The following PCDHA2 variants were observed in gnomAD, a reference collection of about 807,000 sequenced individuals.
PCDHA2 encodes the protein protocadherin alpha-2.
In PCDHA2, 58 loss-of-function variants were observed where a neutral mutation model predicts 66.0. That is an observed-to-expected ratio of 0.88 (90% CI 0.71 to 1.09). The LOEUF is 1.09. Among genes scored for constraint, PCDHA2 ranks in the 50% least tolerant of loss-of-function variants. The pLI, the probability that PCDHA2 is intolerant of heterozygous loss-of-function variation, is 0.00. For missense variants in PCDHA2, 1,267 were observed against 1,242.3 expected (o/e 1.02, Z -0.30); for synonymous variants, 634 against 554.0 (o/e 1.14, Z -2.03).
chr5:140,824,309 A>G (rs1768082430), intron 1 of PCDHA2: 3 of 776,146 alleles, frequency 3.9e-6, no homozygotes, highest in African/African-American at 3.5e-5. Flanking sequence ...GGGGTAATAG[A>G]TTCATCAGCT....
intron 1 of PCDHA2, chr5:140,860,872 G>C (rs923006368): frequency 1.3e-5 from 2 of 152,288 alleles, no homozygotes; most frequent in African/African-American, 4.8e-5. Context: ...GGAGTAGCTG[G>C]GACTACAGGT....
intron 1 of PCDHA2, chr5:140,803,240 G>A (rs1309162593): frequency 6.2e-7 from 1 of 1,613,682 alleles, no homozygotes; most frequent in African/African-American, 1.3e-5. Context: ...CCTCGTCCCA[G>A]GCGTCCGCTG....
In PCDHA2 at chr5:140,870,216, C is replaced by G. The variant is rs1554163914; in HGVS notation, c.2388+72864C>G. On this transcript the variant is annotated intron_variant, in intron 1 of 3. Transcript: ENST00000526136. Reference sequence around the variant, plus strand: ...AGCCCAGCACGGTCATTGCCCTGATCAGCGTGTCTGACCGTGACTCAGGTG... The same window carrying G: ...AGCCCAGCACGGTCATTGCCCTGATGAGCGTGTCTGACCGTGACTCAGGTG... 3 of 1,614,070 alleles carry G rather than the reference C, an allele frequency of 1.9e-6. No homozygotes were observed. Among genetic ancestry groups the G allele is most frequent in the Admixed American group, 3.3e-5 (2 of 60,012 alleles).
chr5:140,863,319 C>A, intron 1 of PCDHA2: 1 of 1,445,714 alleles, frequency 6.9e-7, no homozygotes, highest in Non-Finnish European at 9.4e-7. Context: ...TGGTGTCCAG[C>A]CTGTTAGTGC....
intron 1 of PCDHA2, among the ~76,000 whole-genome samples, chr5:140,937,785 G>A (rs962276976): frequency 7.3e-5 from 11 of 150,436 alleles, no homozygotes; most frequent in Non-Finnish European, 1.3e-4. Flanking sequence ...GGTGGCGGGC[G>A]TATGTAGTCC....
rs781944777 is a variant in PCDHA2, at chr5:140,978,930, T to A, written c.2389-19T>A. ...TTGTCTTGTCATTTTAACAGAAAAC[T>A]CTCTTTGTGATTTTGCAGCCACGAC... On this transcript the variant is annotated intron_variant, in intron 1 of 3. Transcript: ENST00000526136. The A allele has an allele frequency of 1.2e-6, 2 of 1,614,088 alleles. No homozygotes were observed. The highest frequency in any genetic ancestry group is 8.5e-7 in the Non-Finnish European group (1 of 1,180,010).
chr5:140,796,773 C>T lies in PCDHA2; in HGVS notation c.1809C>T (p.Tyr603=), dbSNP rs1554120099. ...KVRAVDADSG[Y]NAWLSYELQL... is the part of the protein sequence containing the mutation. ...GCGCAGTGGACGCTGACTCAGGCTACAACGCGTGGCTTTCGTACGAGCTTC... is the reference window on the plus strand; with the variant it reads ...GCGCAGTGGACGCTGACTCAGGCTATAACGCGTGGCTTTCGTACGAGCTTC... Residue 603 remains tyrosine, a synonymous_variant, in exon 1 of 4, where the codon TAC becomes TAT. Coordinates refer to ENST00000526136, the MANE Select transcript of PCDHA2 (RefSeq NM_018905.3). 1 of 1,614,122 alleles carries T rather than the reference C, an allele frequency of 6.2e-7. No individual in the cohort carries two copies. The highest frequency in any genetic ancestry group is 8.5e-7 in the Non-Finnish European group (1 of 1,179,972).
chr5:140,942,769 T>A (rs1554215212), intron 1 of PCDHA2, among the ~76,000 whole-genome samples: 1 of 152,202 alleles, frequency 6.6e-6, no homozygotes, highest in Non-Finnish European at 1.5e-5. Flanking sequence ...GCATAATGTA[T>A]TTTTAGGCAG....
intron 1 of PCDHA2, chr5:140,869,236 G>T (rs781873875): frequency 6.2e-7 from 1 of 1,613,674 alleles, no homozygotes; most frequent in South Asian, 1.1e-5. Context: ...CGGCACCTTC[G>T]TGGGCCGCAT....
At chr5:140,943,136 T>A (rs1554215378) in intron 1 of PCDHA2, among the ~76,000 whole-genome samples, 1 of 151,240 alleles carries the variant, frequency 6.6e-6, no homozygotes, top group Non-Finnish European at 1.5e-5. Flanking sequence ...TGGGTGCCTG[T>A]AGTCCCAGCT....
At chr5:140,966,666 C>T (rs2153748360) in intron 1 of PCDHA2, 7 of 1,259,308 alleles carry the variant, frequency 5.6e-6, no homozygotes, top group Non-Finnish European at 7.2e-6. Context: ...GGGGAGCAGG[C>T]GCAGGGTGGC....
intron 1 of PCDHA2, chr5:140,804,934 T>A: frequency 1.7e-6 from 2 of 1,152,230 alleles, no homozygotes. Flanking sequence ...GCACTATCCT[T>A]TGTTGCTCCC....
In PCDHA2 at chr5:141,009,750, T is replaced by C; in HGVS notation, c.2660T>C (p.Ile887Thr). Residue 887 changes from isoleucine (I) to threonine (T), a missense_variant, in exon 4 of 4, where the codon ATT becomes ACT. By Grantham distance (89) the Ile-to-Thr change is moderately conservative. Coordinates refer to ENST00000526136, the MANE Select transcript of PCDHA2 (RefSeq NM_018905.3). ...CCCGGTGAGTTGCCCGACAAATTCA[T>C]TATCCCAGGATCTCCTGCAATCATC... ...SGPGELPDKF[I>T]IPGSPAIISI... 1.2e-6 allele frequency: 2 copies of C among 1,614,130 alleles called. No individual in the cohort carries two copies. The highest frequency in any genetic ancestry group is 3.3e-5 in the Admixed American group (2 of 60,026).
chr5:140,855,864 G>A, intron 1 of PCDHA2: 6 of 775,890 alleles, frequency 7.7e-6, no homozygotes, highest in African/African-American at 1.7e-5. Context: ...TGTCGCTGTC[G>A]TCCACAAAAT....
intron 1 of PCDHA2, chr5:140,871,578 G>A (rs1554165764): frequency 6.8e-7 from 1 of 1,474,340 alleles, no homozygotes; most frequent in Admixed American, 2.6e-5. Context: ...TTTTTTAAGG[G>A]AAAGTTTTAT....
At chr5:140,844,316 A>C (rs1554140608) in intron 1 of PCDHA2, among the ~76,000 whole-genome samples, 1 of 149,428 alleles carries the variant, frequency 6.7e-6, no homozygotes, top group Non-Finnish European at 1.5e-5. Flanking sequence ...ATTCTTCCTA[A>C]TTTTATTATA....
chr5:140,830,098 G>T, intron 1 of PCDHA2: 1 of 1,613,644 alleles, frequency 6.2e-7, no homozygotes, highest in African/African-American at 1.3e-5. Flanking sequence ...TGGTGTCGCT[G>T]GTGGAGAGTG....
chr5:140,967,841 A>G, intron 1 of PCDHA2: 1 of 1,614,114 alleles, frequency 6.2e-7, no homozygotes, highest in Non-Finnish European at 8.5e-7. Flanking sequence ...CGTGGACGTG[A>G]ATGACAATGC....
At chr5:140,859,113 T>C (rs1042936960) in intron 1 of PCDHA2, 1 of 150,138 alleles carries the variant, frequency 6.7e-6, no homozygotes, top group Non-Finnish European at 1.5e-5. Context: ...CAGAAGAAAA[T>C]GTATGTTTCT....
Sources: gnomAD v4.1 joint callset for allele counts (sites outside exome capture counted in the v4.1 genomes callset) on GRCh38, gnomAD v4.1.1 for gene constraint, MANE v1.5 for transcripts, NCBI Gene and HGNC (gene_info 2026-07-23, HGNC 2026-07-21) for gene names.